NKAIN3: variants seen among roughly 807,000 people sequenced by gnomAD.
NKAIN3 encodes the protein sodium/potassium transporting ATPase interacting 3.
In NKAIN3, 25 loss-of-function variants were observed where a neutral mutation model predicts 30.2. That is an observed-to-expected ratio of 0.83 (90% CI 0.60 to 1.16). The LOEUF is 1.16. NKAIN3 is among the 50% of genes most tolerant of loss of function. The pLI is 0.00. For missense variants in NKAIN3, 225 were observed against 254.1 expected, an observed-to-expected ratio of 0.89 and a Z score of 0.78; for synonymous variants, 91 against 89.6, an observed-to-expected ratio of 1.02 and a Z score of -0.09.
At chr8:62,550,393 A>G (rs1017395797) in intron 1 of NKAIN3, among the ~76,000 whole-genome samples, 2 of 152,134 alleles carry the variant, frequency 1.3e-5, no homozygotes, top group African/African-American at 4.8e-5. Context: ...AATGATTTCT[A>G]TGGGATTGTG....
At chr8:62,530,881 G>T (rs1808466721) in intron 1 of NKAIN3, among the ~76,000 whole-genome samples, 1 of 152,008 alleles carries the variant, frequency 6.6e-6, no homozygotes, top group Non-Finnish European at 1.5e-5. Flanking sequence ...CCGACCTCAG[G>T]TCATCTGCCC....
chr8:62,790,497 G>T (rs540456121), intron 4 of NKAIN3, among the ~76,000 whole-genome samples: 1 of 152,024 alleles, frequency 6.6e-6, no homozygotes, highest in South Asian at 2.1e-4. Context: ...TTTTCTTGCT[G>T]TCTTGGTGTG....
chr8:62,578,209 A>G (rs888435445), intron 1 of NKAIN3, among the ~76,000 whole-genome samples: 8 of 152,300 alleles, frequency 5.3e-5, no homozygotes, highest in African/African-American at 1.9e-4. Flanking sequence ...AATACAAGAA[A>G]TACTGTTAGA....
In NKAIN3 at chr8:62,378,021, C is replaced by T. The variant is rs184545081; in HGVS notation, c.54+128894C>T. ...ACAGTTTAGAGGGCTCAGAAGAAGA[C>T]AGGAAAATGTAGAAAAGTTGGGAAC... On this transcript the variant is annotated intron_variant, in intron 1 of 6. Transcript: ENST00000623646. 1.6e-3 allele frequency among the ~76,000 whole-genome samples: 242 copies of T among 152,160 alleles called. 1 individual carries two copies. The highest frequency in any genetic ancestry group is 5.7e-3 in the African/African-American group (237 of 41,516).
At chr8:62,875,306 C>T (rs1820762451) in intron 4 of NKAIN3, among the ~76,000 whole-genome samples, 2 of 152,082 alleles carry the variant, frequency 1.3e-5, no homozygotes, top group African/African-American at 2.4e-5. Flanking sequence ...CTACAAACCA[C>T]TGCTCAAGGA....
intron 1 of NKAIN3, among the ~76,000 whole-genome samples, chr8:62,352,749 A>G (rs1371270299): frequency 1.3e-5 from 2 of 152,186 alleles, no homozygotes; most frequent in African/African-American, 4.8e-5. Flanking sequence ...ACATCATGTT[A>G]TAATTACAGG....
rs978911703 is a variant in NKAIN3 at position 62,979,075 on chromosome 8, C to T, written c.*13668C>T. On this transcript the variant is annotated 3_prime_UTR_variant, in exon 7 of 7. Coordinates refer to ENST00000623646, the MANE Select transcript of NKAIN3 (RefSeq NM_001304533.3). ...TCTAACCAGTCCCAGTGAGATGAAC[C>T]GAGTACCTCAGTTGGAAATGCAGAA... 3 of 152,292 alleles carry T rather than the reference C, an allele frequency of 2.0e-5. No individual in the cohort carries two copies. Among genetic ancestry groups the T allele is most frequent in the Admixed American group, 6.6e-5 (1 of 15,248 alleles). 9.4% of individuals were successfully genotyped at this position (152,292 alleles called of 1,614,324 possible).
At position 62,974,812 on chromosome 8, in the gene NKAIN3, C is replaced by T. The variant is rs745884741; in HGVS notation, c.*9405C>T. Among the ~76,000 whole-genome samples the T allele has an allele frequency of 6.6e-6, 1 of 152,030 alleles. No individual in the cohort carries two copies. The highest frequency in any genetic ancestry group is 2.4e-5 in the African/African-American group (1 of 41,376). On this transcript the variant is annotated 3_prime_UTR_variant, in exon 7 of 7. Transcript: ENST00000623646. ...TGGCTGTGGGTTTGTCATAACAGCT[C>T]TTATTATTTTGAGATATGTTCCATC...
intron 3 of NKAIN3, among the ~76,000 whole-genome samples, chr8:62,603,798 GGATAA>G (rs1248113722): frequency 6.6e-6 from 1 of 151,988 alleles, no homozygotes; most frequent in Non-Finnish European, 1.5e-5. Flanking sequence ...GACTCAGGAA[GGATAA>G]GTTTGAGAAT....
At chr8:62,407,695 T>C (rs1168114383) in intron 1 of NKAIN3, among the ~76,000 whole-genome samples, 3 of 152,226 alleles carry the variant, frequency 2.0e-5, no homozygotes, top group Non-Finnish European at 2.9e-5. Context: ...CCTCCCAAAG[T>C]GCTGGGATTA....
intron 4 of NKAIN3, among the ~76,000 whole-genome samples, chr8:62,747,877 C>T (rs1268217000): frequency 1.3e-5 from 2 of 152,174 alleles, no homozygotes; most frequent in Non-Finnish European, 2.9e-5. Flanking sequence ...AACCAACCAT[C>T]TCAGTTCTGT....
intron 1 of NKAIN3, among the ~76,000 whole-genome samples, chr8:62,513,851 C>A: frequency 1.4e-5 from 1 of 70,782 alleles, no homozygotes; most frequent in Non-Finnish European, 2.4e-5. Context: ...AGAGTGAAAC[C>A]TGTCTCAAAA....
chr8:62,709,264 C>T (rs1321666555), intron 3 of NKAIN3, among the ~76,000 whole-genome samples: 1 of 152,090 alleles, frequency 6.6e-6, no homozygotes, highest in Non-Finnish European at 1.5e-5. Context: ...TTCCTTCTTC[C>T]TCCATCTTGT....
chr8:62,452,655 A>G (rs905773458), intron 1 of NKAIN3, among the ~76,000 whole-genome samples: 1 of 152,190 alleles, frequency 6.6e-6, no homozygotes, highest in African/African-American at 2.4e-5. Context: ...TATTTTGAGG[A>G]AAAACAAAAT....
intron 1 of NKAIN3, among the ~76,000 whole-genome samples, chr8:62,317,063 A>T (rs1027951866): frequency 3.3e-5 from 5 of 152,214 alleles, no homozygotes; most frequent in Non-Finnish European, 7.3e-5. Flanking sequence ...TTTTGGCTGC[A>T]TAAATGTCTT....
intron 3 of NKAIN3, among the ~76,000 whole-genome samples, chr8:62,609,865 A>G (rs1762900782): frequency 6.6e-6 from 1 of 152,150 alleles, no homozygotes; most frequent in South Asian, 2.1e-4. Flanking sequence ...AGAGCCGAAG[A>G]AAGAGCAATG....
At chr8:62,802,309 C>G (rs1016909542) in intron 4 of NKAIN3, among the ~76,000 whole-genome samples, 5 of 152,078 alleles carry the variant, frequency 3.3e-5, no homozygotes, top group Non-Finnish European at 7.3e-5. Context: ...CTCCAAGACA[C>G]GTAGTTGTCA....
chr8:62,804,441 G>A (rs1420200838), intron 4 of NKAIN3, among the ~76,000 whole-genome samples: 2 of 152,242 alleles, frequency 1.3e-5, no homozygotes, highest in Non-Finnish European at 2.9e-5. Context: ...ACATCAAAAA[G>A]TTTATCCACC....
At chr8:62,896,898 T>A (rs558963140) in intron 4 of NKAIN3, among the ~76,000 whole-genome samples, 1 of 152,144 alleles carries the variant, frequency 6.6e-6, no homozygotes, top group Non-Finnish European at 1.5e-5. Context: ...CAGATTGCAA[T>A]GAATTAAGCA....
Sources: gnomAD v4.1 joint callset for allele counts (sites outside exome capture counted in the v4.1 genomes callset) on GRCh38, gnomAD v4.1.1 for gene constraint, MANE v1.5 for transcripts, NCBI Gene and HGNC (gene_info 2026-07-23, HGNC 2026-07-21) for gene names.